The following ANO3 variants were observed in gnomAD, a reference collection of about 807,000 sequenced individuals.
ANO3 encodes anoctamin-3.
Under a neutral mutation model 144.8 loss-of-function variants are expected in ANO3, and 99 were observed. That is an observed-to-expected ratio of 0.68 (90% CI 0.58 to 0.81). ANO3 has a LOEUF of 0.81. Ranked by LOEUF, ANO3 falls within the 30% of genes least tolerant of loss-of-function variation. ANO3 has a pLI of 0.00. For missense variants in ANO3, 905 were observed against 1,202.2 expected, an observed-to-expected ratio of 0.75 and a Z score of 3.66; for synonymous variants, 414 against 392.6, an observed-to-expected ratio of 1.05 and a Z score of -0.64.
chr11:26,642,259 TG>T (rs1260609680), intron 22 of ANO3, among the ~76,000 whole-genome samples: 39 of 152,170 alleles, frequency 2.6e-4, no homozygotes, highest in African/African-American at 6.3e-4. Context: ...TTTCTCACAG[TG>T]GAACACCTAT....
At chr11:26,297,096 C>T (rs11029501) in intron 1 of ANO3, among the ~76,000 whole-genome samples, 38,032 of 151,852 alleles carry the variant, frequency 0.25, 6,814 homozygotes, top group African/African-American at 0.51. Context: ...TTCAATGTTT[C>T]AGATTACTTC....
chr11:26,242,652 G>C (rs1852687013), intron 1 of ANO3, among the ~76,000 whole-genome samples: 1 of 152,136 alleles, frequency 6.6e-6, no homozygotes, highest in South Asian at 2.1e-4. Context: ...AAGATATTGG[G>C]CTTCATAGTC....
intron 4 of ANO3, among the ~76,000 whole-genome samples, chr11:26,488,581 C>T (rs1017669855): frequency 3.9e-5 from 6 of 152,176 alleles, no homozygotes; most frequent in Non-Finnish European, 8.8e-5. Context: ...TTGCTGACTT[C>T]AGGAGTGAAG....
chr11:26,373,523 A>C (rs1211080571), intron 1 of ANO3, among the ~76,000 whole-genome samples: 1 of 152,196 alleles, frequency 6.6e-6, no homozygotes, highest in African/African-American at 2.4e-5. Flanking sequence ...ACCCCGTTTT[A>C]GGTATTTCTT....
chr11:26,317,786 T>C (rs1322953568), intron 1 of ANO3, among the ~76,000 whole-genome samples: 2 of 152,094 alleles, frequency 1.3e-5, no homozygotes, highest in Non-Finnish European at 2.9e-5. Flanking sequence ...ATAAATCATG[T>C]GACTATAAAG....
At chr11:26,599,862 A>G in intron 17 of ANO3, 148 bp downstream of exon 17, 1 of 671,518 alleles carries the variant, frequency 1.5e-6, no homozygotes, top group African/African-American at 1.8e-5. Context: ...GTTTAACAGA[A>G]AAGATTTCAT....
chr11:26,563,271 G>T, intron 14 of ANO3: 1 of 1,572,274 alleles, frequency 6.4e-7, no homozygotes, highest in Non-Finnish European at 8.6e-7. Context: ...ATTTTCTACA[G>T]GACAAAAAAA....
At chr11:26,557,503 C>T (rs1850123056) in intron 13 of ANO3, among the ~76,000 whole-genome samples, 1 of 151,242 alleles carries the variant, frequency 6.6e-6, no homozygotes, top group South Asian at 2.1e-4. Flanking sequence ...TGCCATGGGT[C>T]CCTCTATTCA....
At chr11:26,250,944 T>C (rs1564934104) in intron 1 of ANO3, among the ~76,000 whole-genome samples, 1 of 152,184 alleles carries the variant, frequency 6.6e-6, no homozygotes, top group Non-Finnish European at 1.5e-5. Context: ...TTGGGCTAAA[T>C]CATCTAGCAA....
At chr11:26,601,921 G>T (rs542709075) in intron 17 of ANO3, among the ~76,000 whole-genome samples, 1 of 152,280 alleles carries the variant, frequency 6.6e-6, no homozygotes, top group African/African-American at 2.4e-5. Flanking sequence ...TCATAGTTCT[G>T]CTACCCAGGA....
At chr11:26,446,325 A>C (rs1858701532) in intron 3 of ANO3, among the ~76,000 whole-genome samples, 1 of 152,234 alleles carries the variant, frequency 6.6e-6, no homozygotes, top group Non-Finnish European at 1.5e-5. Flanking sequence ...TTTAGCGTGC[A>C]GAGTACCAGG....
intron 17 of ANO3, among the ~76,000 whole-genome samples, chr11:26,617,815 T>C (rs1296051467): frequency 1.3e-5 from 2 of 152,182 alleles, no homozygotes; most frequent in African/African-American, 2.4e-5. Flanking sequence ...ATAACAATGC[T>C]CTTCTGAATT....
intron 1 of ANO3, among the ~76,000 whole-genome samples, chr11:26,351,324 CT>C (rs1420348802): frequency 3.9e-5 from 6 of 151,908 alleles, no homozygotes; most frequent in Non-Finnish European, 8.8e-5. Context: ...CTGTTTTTAT[CT>C]TAATGTGGTG....
intron 14 of ANO3, chr11:26,565,623 T>C (rs766073557): frequency 6.2e-7 from 1 of 1,612,500 alleles, no homozygotes; most frequent in East Asian, 2.2e-5. Context: ...GTGGCTGTTG[T>C]TGGGTAGATT....
At chr11:26,584,794 T>C (rs1268662444) in intron 14 of ANO3, among the ~76,000 whole-genome samples, 1 of 152,160 alleles carries the variant, frequency 6.6e-6, no homozygotes, top group Non-Finnish European at 1.5e-5. Context: ...ACCTCCCTTA[T>C]ATTTGTGACT....
intron 1 of ANO3, among the ~76,000 whole-genome samples, chr11:26,234,650 T>G (rs1852475616): frequency 6.6e-6 from 1 of 152,232 alleles, no homozygotes; most frequent in Non-Finnish European, 1.5e-5. Context: ...TGATTCATGA[T>G]GTATGACCTA....
chr11:26,453,485 G>A (rs1387857070), intron 3 of ANO3, among the ~76,000 whole-genome samples: 2 of 152,090 alleles, frequency 1.3e-5, no homozygotes, highest in East Asian at 1.9e-4. Context: ...GACAAAGAAG[G>A]CCATTACATA....
intron 1 of ANO3, among the ~76,000 whole-genome samples, chr11:26,257,390 C>T (rs1018762122): frequency 2.0e-5 from 3 of 152,028 alleles, no homozygotes; most frequent in Non-Finnish European, 4.4e-5. Flanking sequence ...GTTTTGACTC[C>T]AAAACCATTG....
intron 17 of ANO3, among the ~76,000 whole-genome samples, chr11:26,612,086 T>A (rs908675206): frequency 1.3e-5 from 2 of 152,150 alleles, no homozygotes; most frequent in African/African-American, 4.8e-5. Flanking sequence ...ATTGGAGAAT[T>A]TGTTCCATTT....
Sources: allele counts gnomAD v4.1 joint callset (sites outside exome capture counted in the v4.1 genomes callset), GRCh38; gene constraint gnomAD v4.1.1; transcripts MANE v1.5; gene names NCBI Gene and HGNC (gene_info 2026-07-23, HGNC 2026-07-21).